ATF3: variants seen among roughly 807,000 people sequenced by gnomAD.
ATF3 encodes the protein cyclic AMP-dependent transcription factor ATF-3.
Under a neutral mutation model 18.4 loss-of-function variants are expected in ATF3, and 10 were observed. The observed-to-expected ratio is 0.54, with a 90% confidence interval of 0.34 to 0.92. ATF3 has a LOEUF of 0.92. Among genes scored for constraint, ATF3 ranks in the 40% least tolerant of loss-of-function variants. The probability of loss-of-function intolerance (pLI) is 0.02; values close to 1 mark genes in which losing one functional copy is unlikely to be tolerated. For missense variants in ATF3, 183 were observed against 222.3 expected (o/e 0.82, Z 1.12); for synonymous variants, 78 against 87.9 (o/e 0.89, Z 0.63).
chr1:212,595,201 C>G (rs1021215629), intron 1 of ATF3, among the ~76,000 whole-genome samples: 2 of 152,162 alleles, frequency 1.3e-5, no homozygotes, highest in African/African-American at 2.4e-5. Flanking sequence ...TGTGTAGCCC[C>G]TAGGACTCTT....
chr1:212,603,726 G>C lies in ATF3; in HGVS notation c.-4-11292G>C, dbSNP rs150992355. Among the ~76,000 whole-genome samples the C allele has an allele frequency of 5.9e-5, 9 of 152,046 alleles. No individual in the cohort carries two copies. In the East Asian group the frequency reaches 1.7e-3, roughly 29 times the overall value. ...TGGGAAGCAAAGAGGTCTACTTCTT[G>C]AGTGGTGAGTTCCTAATGTGTTTGA... On this transcript the variant is annotated intron_variant, in intron 1 of 3. Coordinates refer to the ATF3 transcript ENST00000366981.
intron 1 of ATF3, among the ~76,000 whole-genome samples, chr1:212,591,905 A>T (rs1336616372): frequency 2.0e-5 from 3 of 152,074 alleles, no homozygotes; most frequent in African/African-American, 7.3e-5. Flanking sequence ...GATCACTGCA[A>T]CCTCCGCCGG....
rs73075879 is a variant in ATF3, at chr1:212,571,301, C to T, written c.-5+5818C>T. ...TTACATCTAACTATATCTCTTTATCCATCAAAAGTTATTTTGATTATGATT... is the reference window on the plus strand; with the variant it reads ...TTACATCTAACTATATCTCTTTATCTATCAAAAGTTATTTTGATTATGATT... On this transcript the variant is annotated intron_variant, in intron 1 of 3. Transcript: ENST00000366981. Among the ~76,000 whole-genome samples the T allele has an allele frequency of 9.9e-3, 1,508 of 152,116 alleles. 28 individuals carry two copies. Among genetic ancestry groups the T allele is most frequent in the African/African-American group, 0.034 (1,427 of 41,500 alleles).
In ATF3 at chr1:212,618,858, A is replaced by G; in HGVS notation, c.349-500A>G. On this transcript the variant is annotated intron_variant, in intron 3 of 3. Transcript: ENST00000341491. The surrounding 1 kb of genome is among the most constrained non-coding windows in gnomAD (Gnocchi z 4.4). ...CTGTGTCCCTCCTCCAAATGTGGAC[A>G]GGCCATGACAGAGTCTTAGCCCAAG... 1.4e-6 allele frequency: 1 copy of G among 699,758 alleles called. No homozygotes were observed. Among genetic ancestry groups the G allele is most frequent in the Non-Finnish European group, 2.4e-6 (1 of 409,346 alleles). 43.3% of individuals were successfully genotyped at this position (699,758 alleles called of 1,614,324 possible). A position where few individuals can be genotyped will look rare whatever the true frequency, so the allele number is the denominator to read the frequency against.
upstream of ATF3, among the ~76,000 whole-genome samples, chr1:212,603,953 T>C (rs187585084): frequency 3.3e-5 from 5 of 152,308 alleles, no homozygotes; most frequent in African/African-American, 1.2e-4. Flanking sequence ...ATCATGTACA[T>C]GAGAAAAAAG....
chr1:212,574,906 A>G (rs1276400534), intron 1 of ATF3, among the ~76,000 whole-genome samples: 1 of 152,038 alleles, frequency 6.6e-6, no homozygotes, highest in East Asian at 1.9e-4. Context: ...CTAAATATCT[A>G]ACAAGACAAG....
At position 212,619,167 on chromosome 1, in the gene ATF3, G is replaced by A; in HGVS notation, c.349-191G>A. On this transcript the variant is annotated intron_variant, in intron 3 of 3. Coordinates refer to ENST00000341491, the MANE Select transcript of ATF3 (RefSeq NM_001674.4). The surrounding 1 kb of genome is among the most constrained non-coding windows in gnomAD (Gnocchi z 4.4). ...CAGGCCGCCTCTGTGGCATCACCAG[G>A]GTTTCTCTGAAGAAGAGGGTCTGCA... The A allele has an allele frequency of 1.2e-6, 2 of 1,613,484 alleles. No homozygotes were observed. The highest frequency in any genetic ancestry group is 3.3e-5 in the Admixed American group (2 of 59,996).
chr1:212,595,382 A>C (rs891553911), intron 1 of ATF3, among the ~76,000 whole-genome samples: 3 of 152,156 alleles, frequency 2.0e-5, no homozygotes, highest in Non-Finnish European at 4.4e-5. Flanking sequence ...GCCCCAGGCT[A>C]CAGCCCCCTG....
intron 1 of ATF3, among the ~76,000 whole-genome samples, chr1:212,592,281 T>G (rs1664902319): frequency 6.6e-6 from 1 of 152,174 alleles, no homozygotes; most frequent in Non-Finnish European, 1.5e-5. Context: ...TTCACTCATG[T>G]TTTCAACGTT....
chr1:212,607,118 C>T (rs1177353444), upstream of ATF3, among the ~76,000 whole-genome samples: 1 of 152,226 alleles, frequency 6.6e-6, no homozygotes, highest in Non-Finnish European at 1.5e-5. Context: ...CGCGTGTTCC[C>T]AGGCCCGTGG....
intron 1 of ATF3, among the ~76,000 whole-genome samples, chr1:212,609,453 G>A (rs1014571821): frequency 3.9e-5 from 6 of 152,038 alleles, no homozygotes; most frequent in Non-Finnish European, 7.4e-5. Flanking sequence ...AGGAATGAAT[G>A]GGGAAGGGGC....
chr1:212,591,106 C>G (rs12025439), intron 1 of ATF3, among the ~76,000 whole-genome samples: 41,117 of 152,150 alleles, frequency 0.27, 6,225 homozygotes, highest in African/African-American at 0.42. Flanking sequence ...GCTGCTCTCC[C>G]TTTCTGGAGA....
Position 212,615,273 on chromosome 1 carries a change from C to G in ATF3, c.240+12C>G, listed in dbSNP as rs371699192. ...TCACAAAAGCCGAGGTGGGTTCTAT[C>G]ACAGGTATTCATTCTTTCGGCACAT... On this transcript the variant is annotated intron_variant, in intron 2 of 3. Transcript: ENST00000341491. 1 of 1,608,770 alleles carries G rather than the reference C, an allele frequency of 6.2e-7. No homozygotes were observed. Among genetic ancestry groups the G allele is most frequent in the Non-Finnish European group, 8.5e-7 (1 of 1,179,280 alleles).
chr1:212,584,604 G>A (rs568730193), intron 1 of ATF3, among the ~76,000 whole-genome samples: 31 of 152,280 alleles, frequency 2.0e-4, no homozygotes, highest in East Asian at 7.7e-4. Flanking sequence ...GGGGGAGGAC[G>A]ATCTGCTTCC....
In ATF3 at chr1:212,618,059, A is replaced by C. The variant is rs953063994; in HGVS notation, c.241-68A>C. 7 of 1,509,190 alleles carry C rather than the reference A, an allele frequency of 4.6e-6. 1 individual carries two copies. The African/African-American group carries it at 5.5e-5, about 12-fold the overall frequency. The allele number at this position is 1,509,190 out of a possible 1,614,324, so 93.5% of individuals were successfully genotyped here. ...TCTGCCAGCTTTTGCTGGCAGTAAA[A>C]GGCAGTGTATTTGAGGTAGGTGGCA... On this transcript the variant is annotated intron_variant, in intron 2 of 3. Coordinates refer to ENST00000341491, the MANE Select transcript of ATF3 (RefSeq NM_001674.4). The surrounding 1 kb of genome is among the most constrained non-coding windows in gnomAD (Gnocchi z 4.4).
intron 2 of ATF3, among the ~76,000 whole-genome samples, chr1:212,616,183 C>T (rs1480325853): frequency 6.6e-6 from 1 of 151,948 alleles, no homozygotes; most frequent in Non-Finnish European, 1.5e-5. Flanking sequence ...TTGGGTCTTA[C>T]AGATTATTAT....
chr1:212,618,295 G>A lies in ATF3; in HGVS notation c.348+61G>A. 1.3e-6 allele frequency: 2 copies of A among 1,532,528 alleles called. No homozygotes were observed. Among genetic ancestry groups the A allele is most frequent in the South Asian group, 2.2e-5 (2 of 89,350 alleles). 94.9% of individuals were successfully genotyped at this position (1,532,528 alleles called of 1,614,324 possible). On this transcript the variant is annotated intron_variant, in intron 3 of 3. Coordinates refer to ENST00000341491, the MANE Select transcript of ATF3 (RefSeq NM_001674.4). The surrounding 1 kb of genome is among the most constrained non-coding windows in gnomAD (Gnocchi z 4.4). ...ACGCCTGTCTTCACCAGCTTCATGT[G>A]GCTATCAGAAGAAGAGTTAGAAAAC...
intron 1 of ATF3, among the ~76,000 whole-genome samples, chr1:212,575,432 T>A (rs1664556380): frequency 6.6e-6 from 1 of 152,160 alleles, no homozygotes; most frequent in African/African-American, 2.4e-5. Context: ...TCTAAGAGTA[T>A]GTGAATGTTC....
chr1:212,602,518 G>A (rs1481803843), intron 1 of ATF3, among the ~76,000 whole-genome samples: 1 of 152,194 alleles, frequency 6.6e-6, no homozygotes, highest in Non-Finnish European at 1.5e-5. Context: ...CTTGCCAGGA[G>A]GTGGTAGGTA....
Sources: gnomAD v4.1 joint callset for allele counts (sites outside exome capture counted in the v4.1 genomes callset) on GRCh38, gnomAD v4.1.1 for gene constraint, Gnocchi (gnomAD v3.1) non-coding constraint, MANE v1.5 for transcripts, NCBI Gene and HGNC (gene_info 2026-07-23, HGNC 2026-07-21) for gene names.